Variants in ZNF574 observed in about 807,000 individuals in gnomAD.
ZNF574 encodes zinc finger protein 574.
A neutral mutation model predicts 56.6 loss-of-function variants in ZNF574; 25 were observed. The observed-to-expected ratio is 0.44, with a 90% CI of 0.32 to 0.62. The LOEUF is 0.62. Among genes scored for constraint, ZNF574 ranks in the 20% least tolerant of loss-of-function variants. ZNF574 has a pLI of 0.04. For missense variants in ZNF574, 1,065 were observed against 1,218.9 expected, an observed-to-expected ratio of 0.87 and a Z score of 1.88; for synonymous variants, 543 against 492.1, an observed-to-expected ratio of 1.10 and a Z score of -1.37.
intron 1 of ZNF574, among the ~76,000 whole-genome samples, chr19:42,076,585 G>A (rs1042320544): frequency 2.6e-5 from 4 of 152,196 alleles, no homozygotes; most frequent in African/African-American, 9.6e-5. Flanking sequence ...GTCCCAAGAG[G>A]GCTCCGCGGC....
chr19:42,078,660 C>T lies in ZNF574; in HGVS notation c.54C>T (p.Cys18=). 1 of 1,614,114 alleles carries T rather than the reference C, an allele frequency of 6.2e-7. No individual in the cohort carries two copies. The highest frequency in any genetic ancestry group is 8.5e-7 in the Non-Finnish European group (1 of 1,179,990). The part of the protein sequence containing the change: ...TVLYIEHRYV[C]SECNQLYGSL... The stretch of plus-strand genomic sequence containing the variant: ...TGTACATTGAGCACCGCTATGTCTG[C>T]TCTGAGTGCAACCAGCTGTATGGAT... Residue 18 remains cysteine, a synonymous_variant, in exon 2 of 2, where the codon TGC becomes TGT. Transcript: ENST00000359044.
Position 42,080,865 on chromosome 19 carries a change from G to A in ZNF574, c.2259G>A (p.Leu753=). ...CKKLFSTETS[L]QVHRRIHTGE... is the part of the protein sequence containing the mutation. ...AGCTGTTCAGCACAGAGACGTCACTGCAGGTGCACCGGCGCATCCACACAG... is the reference window on the plus strand; with the variant it reads ...AGCTGTTCAGCACAGAGACGTCACTACAGGTGCACCGGCGCATCCACACAG... The change falls in exon 2 of 2, where the codon CTG becomes CTA. Residue 753 remains leucine (L), a synonymous_variant. Transcript: ENST00000359044. This position sits in a 1 kb window ranked among gnomAD's most constrained non-coding sequence, Gnocchi z 8.5. 6.2e-7 allele frequency: 1 copy of A among 1,614,158 alleles called. No homozygotes were observed. Among genetic ancestry groups the A allele is most frequent in the Non-Finnish European group, 8.5e-7 (1 of 1,180,042 alleles).
chr19:42,077,003 T>G (rs978120936), intron 1 of ZNF574, among the ~76,000 whole-genome samples: 1 of 152,086 alleles, frequency 6.6e-6, no homozygotes, highest in Non-Finnish European at 1.5e-5. Context: ...GGGAAGGTAG[T>G]CTTTTTTAAG....
chr19:42,073,328 T>A (rs2076436722), upstream of ZNF574, among the ~76,000 whole-genome samples: 1 of 152,144 alleles, frequency 6.6e-6, no homozygotes, highest in African/African-American at 2.4e-5. Flanking sequence ...GCATAATACC[T>A]AGCACGTCAT....
upstream of ZNF574, among the ~76,000 whole-genome samples, chr19:42,073,523 T>TAA (rs1285796547): frequency 0.04 from 4,077 of 102,710 alleles, 190 homozygotes; most frequent in African/African-American, 0.13. Flanking sequence ...CCTATCTCTA[T>TAA]AAAAAAAAAA....
upstream of ZNF574, among the ~76,000 whole-genome samples, chr19:42,072,155 C>T (rs1173682050): frequency 6.6e-6 from 1 of 152,072 alleles, no homozygotes; most frequent in Non-Finnish European, 1.5e-5. Flanking sequence ...GAGACCTGCA[C>T]CACCCAAATC....
At chr19:42,069,787 G>A (rs2076398674) in intron 1 of ZNF574, among the ~76,000 whole-genome samples, 1 of 151,974 alleles carries the variant, frequency 6.6e-6, no homozygotes, top group South Asian at 2.1e-4. Context: ...GCCCTGCCCT[G>A]GTTGAGGCAA....
chr19:42,080,570 G>A lies in ZNF574; in HGVS notation c.1964G>A (p.Arg655His), dbSNP rs374430139. The change falls in exon 2 of 2, where the codon CGC becomes CAC. Residue 655 changes from arginine to histidine, a missense_variant. By Grantham distance (29) the Arg-to-His change is conservative. Coordinates refer to ENST00000359044, the MANE Select transcript of ZNF574 (RefSeq NM_022752.6). The surrounding 1 kb of genome is among the most constrained non-coding windows in gnomAD (Gnocchi z 8.5). ...TCCTCACTGCGGCTCCGGGAGCACC[G>A]CTGTGCAGCCGCTGCTGCCCAGGCC... ...FPSSLRLREH[R>H]CAAAAAQAPR... The A allele has an allele frequency of 2.9e-5, 46 of 1,612,646 alleles. No individual in the cohort carries two copies. The highest frequency in any genetic ancestry group is 5.5e-5 in the South Asian group (5 of 91,056).
Position 42,079,133 on chromosome 19 carries a change from G to T in ZNF574, c.527G>T (p.Arg176Leu). The T allele has an allele frequency of 6.2e-7, 1 of 1,613,966 alleles. No individual in the cohort carries two copies. The highest frequency in any genetic ancestry group is 8.5e-7 in the Non-Finnish European group (1 of 1,179,932). ...VVLGPPVGQARVAVEHSYRKA... is the reference protein window; with the variant it reads ...VVLGPPVGQALVAVEHSYRKA... ...CTAGGGCCTCCTGTGGGCCAGGCCC[G>T]AGTGGCTGTGGAGCACTCATACCGA... Residue 176 changes from arginine (R) to leucine (L), a missense_variant, in exon 2 of 2, where the codon CGA becomes CTA. Transcript: ENST00000359044. The surrounding 1 kb of genome is among the most constrained non-coding windows in gnomAD (Gnocchi z 4.3).
rs2076473114 is a variant in ZNF574, at chr19:42,078,777, C to T, written c.171C>T (p.Ala57=). 2 of 1,614,088 alleles carry T rather than the reference C, an allele frequency of 1.2e-6. No homozygotes were observed. Among genetic ancestry groups the T allele is most frequent in the South Asian group, 1.1e-5 (1 of 91,084 alleles). ...TGGCTGATCCCGGAGTCACTGTGGC[C>T]ACAGACACAGCTTCAGGCACGGGCC... The part of the protein sequence containing the change: ...VGVADPGVTV[A]TDTASGTGLY... The change falls in exon 2 of 2, where the codon GCC becomes GCT. Residue 57 remains alanine, a synonymous_variant. Transcript: ENST00000359044.
rs1033956720 is a variant in ZNF574, at chr19:42,079,435, G to A, written c.829G>A (p.Glu277Lys). 10 of 1,613,480 alleles carry A rather than the reference G, an allele frequency of 6.2e-6. No homozygotes were observed. The highest frequency in any genetic ancestry group is 5.3e-5 in the African/African-American group (4 of 74,938). The part of the protein sequence containing the change: ...DPLPASDHSY[E>K]LRNGEAIGRD... ...CTTGCCAGCTTCTGACCACAGTTAC[G>A]AGCTGCGCAATGGTGAAGCCATTGG... Residue 277 changes from glutamate to lysine, a missense_variant, in exon 2 of 2, where the codon GAG becomes AAG. Glu to Lys is a moderately conservative substitution (Grantham distance 56). Coordinates refer to ENST00000359044, the MANE Select transcript of ZNF574 (RefSeq NM_022752.6). The surrounding 1 kb of genome is among the most constrained non-coding windows in gnomAD (Gnocchi z 4.3).
In ZNF574 at chr19:42,078,337, G is replaced by A. The variant is rs1011251061; in HGVS notation, c.-20-250G>A. Among the ~76,000 whole-genome samples the A allele has an allele frequency of 1.1e-4, 16 of 152,144 alleles. No individual in the cohort carries two copies. In the South Asian group the frequency reaches 1.4e-3, roughly 14 times the overall value. ...AGGTTACAAGGATCTGGTGGGTGGA[G>A]TTTGATGCAAGTTGATACAGAGGTG... On this transcript the variant is annotated intron_variant, in intron 1 of 1. Transcript: ENST00000359044.
chr19:42,068,570 C>G, exon 1 of ZNF574: 1 of 405,204 alleles, frequency 2.5e-6, no homozygotes, highest in Non-Finnish European at 4.3e-6. Context: ...CCTCCAAGCT[C>G]AGAGGCAGAG....
At chr19:42,069,068 T>C (rs2146200395) in intron 1 of ZNF574, 94 of 402,002 alleles carry the variant, frequency 2.3e-4, no homozygotes, top group East Asian at 5.1e-4. Flanking sequence ...TGAGAAGAGG[T>C]CGAGGTGAAT....
upstream of ZNF574, among the ~76,000 whole-genome samples, chr19:42,075,693 G>A (rs2076450063): frequency 6.6e-6 from 1 of 152,028 alleles, no homozygotes; most frequent in Non-Finnish European, 1.5e-5. Context: ...AAACCACAAA[G>A]GTTCCCGTGC....
chr19:42,074,579 G>A (rs1265625752), upstream of ZNF574: 1 of 152,136 alleles, frequency 6.6e-6, no homozygotes, highest in African/African-American at 2.4e-5. Flanking sequence ...ATGAAATGGG[G>A]CTGTTATTAG....
chr19:42,074,735 T>A (rs553858586), upstream of ZNF574: 1 of 152,324 alleles, frequency 6.6e-6, no homozygotes, highest in African/African-American at 2.4e-5. Context: ...AGTGACCAAA[T>A]GGCCATAGAA....
At chr19:42,071,555 G>A (rs1378709240), upstream of ZNF574, among the ~76,000 whole-genome samples, 2 of 152,080 alleles carry the variant, frequency 1.3e-5, no homozygotes, top group Admixed American at 6.5e-5. Context: ...TATATCTGAC[G>A]CTGAAGGACC....
Position 42,069,875 on chromosome 19 carries a change from G to T in ZNF574, c.250+914G>T, listed in dbSNP as rs565330560. 1.8e-3 allele frequency among the ~76,000 whole-genome samples: 267 copies of T among 152,252 alleles called. 1 individual carries two copies. The Middle Eastern group carries it at 0.027, about 16-fold the overall frequency. ...GGGGAGAGCCCGGGAGTGGAGAGCT[G>T]GGGAGGATGGAGAGCTGGGAGACCC... On this transcript the variant is annotated intron_variant, in intron 1 of 1. Coordinates refer to the ZNF574 transcript ENST00000222339.
Sources: gnomAD v4.1 joint callset for allele counts (sites outside exome capture counted in the v4.1 genomes callset) on GRCh38, gnomAD v4.1.1 for gene constraint, Gnocchi (gnomAD v3.1) non-coding constraint, MANE v1.5 for transcripts, NCBI Gene and HGNC (gene_info 2026-07-23, HGNC 2026-07-21) for gene names.